The following MEI4 variants were observed in gnomAD, a reference collection of about 807,000 sequenced individuals.
The protein encoded by MEI4 is meiotic double-stranded break formation protein 4, also known as meiosis-specific protein MEI4.
A neutral mutation model predicts 31.4 loss-of-function variants in MEI4; 27 were observed. That is an observed-to-expected ratio of 0.86 (90% confidence interval 0.63 to 1.19). The LOEUF is 1.19. Ranked by LOEUF, MEI4 falls within the 50% of genes most tolerant of loss-of-function variation. MEI4 has a pLI of 0.00. For synonymous variants in MEI4, 122 were observed against 145.4 expected, an observed-to-expected ratio of 0.84 and a Z score of 1.16; for missense variants, 329 against 398.9, an observed-to-expected ratio of 0.82 and a Z score of 1.49.
At chr6:77,874,194 G>T (rs1423882570) in intron 4 of MEI4, among the ~76,000 whole-genome samples, 1 of 152,146 alleles carries the variant, frequency 6.6e-6, no homozygotes, top group Non-Finnish European at 1.5e-5. Context: ...ATTACCTTGG[G>T]CAATATGGCC....
chr6:77,681,164 C>T (rs1184857478), intron 1 of MEI4, among the ~76,000 whole-genome samples: 5 of 152,118 alleles, frequency 3.3e-5, no homozygotes, highest in Non-Finnish European at 7.4e-5. Flanking sequence ...TTGACACAAC[C>T]TCTCTCAGTT....
chr6:77,732,792 A>G (rs374773650), intron 2 of MEI4, among the ~76,000 whole-genome samples: 2 of 151,992 alleles, frequency 1.3e-5, no homozygotes, highest in Admixed American at 6.6e-5. Flanking sequence ...ATTATTTTGA[A>G]ATACGTCCCA....
At chr6:77,714,561 C>G (rs1337516100) in intron 2 of MEI4, among the ~76,000 whole-genome samples, 1 of 152,178 alleles carries the variant, frequency 6.6e-6, no homozygotes, top group Non-Finnish European at 1.5e-5. Flanking sequence ...AAAGGAGCTT[C>G]AATGAATTAA....
At chr6:77,812,797 C>G (rs931918389) in intron 3 of MEI4, among the ~76,000 whole-genome samples, 1 of 151,794 alleles carries the variant, frequency 6.6e-6, no homozygotes, top group African/African-American at 2.4e-5. Flanking sequence ...TTCTGAGCAC[C>G]CCAAAAGACC....
intron 4 of MEI4, among the ~76,000 whole-genome samples, chr6:77,864,249 AT>A (rs1160673737): frequency 6.6e-6 from 1 of 152,224 alleles, no homozygotes; most frequent in Admixed American, 6.5e-5. Flanking sequence ...TTAAATGTAA[AT>A]GGGCTAAATG....
At chr6:77,799,336 GGTT>G (rs1421324891) in intron 3 of MEI4, among the ~76,000 whole-genome samples, 2 of 152,010 alleles carry the variant, frequency 1.3e-5, no homozygotes, top group Non-Finnish European at 2.9e-5. Context: ...TTTTTGATGG[GGTT>G]GTTTGTTTTT....
At chr6:77,914,717 T>C (rs2127740135) in intron 4 of MEI4, among the ~76,000 whole-genome samples, 1 of 152,262 alleles carries the variant, frequency 6.6e-6, no homozygotes, top group Non-Finnish European at 1.5e-5. Context: ...ATCTCTCCCC[T>C]TAGATCTAAT....
At chr6:77,689,499 T>C (rs1405983854) in intron 1 of MEI4, among the ~76,000 whole-genome samples, 1 of 151,952 alleles carries the variant, frequency 6.6e-6, no homozygotes, top group Non-Finnish European at 1.5e-5. Context: ...GATAGTTAGT[T>C]ACACATCGCT....
intron 2 of MEI4, among the ~76,000 whole-genome samples, chr6:77,695,338 C>A (rs1765998126): frequency 6.6e-6 from 1 of 150,688 alleles, no homozygotes; most frequent in African/African-American, 2.4e-5. Context: ...AGTCCTTGCC[C>A]ATGCCTATGT....
At chr6:77,703,928 CG>C in intron 2 of MEI4, among the ~76,000 whole-genome samples, 1 of 152,036 alleles carries the variant, frequency 6.6e-6, no homozygotes, top group East Asian at 1.9e-4. Flanking sequence ...AGTGTGAGGG[CG>C]GGGGTTGGTA....
At position 77,744,705 on chromosome 6, in the gene MEI4, A is replaced by C. The variant is rs558692525; in HGVS notation, c.233-16425A>C. Reference sequence around the variant, plus strand: ...AGTTGAAATGAAGGAAAAATTGTTAAGGGCAGCCAGAGAGAAAGGTATGGT... The same window carrying C: ...AGTTGAAATGAAGGAAAAATTGTTACGGGCAGCCAGAGAGAAAGGTATGGT... On this transcript the variant is annotated intron_variant, in intron 2 of 4. Transcript: ENST00000684080. Among the ~76,000 whole-genome samples, 362 of 152,320 alleles carry C rather than the reference A, an allele frequency of 2.4e-3. 2 individuals are homozygous for C. The highest frequency in any genetic ancestry group is 2.2e-3 in the Non-Finnish European group (149 of 68,020).
intron 1 of MEI4, among the ~76,000 whole-genome samples, chr6:77,676,543 T>TAAA (rs1310465963): frequency 6.6e-6 from 1 of 151,922 alleles, no homozygotes; most frequent in Non-Finnish European, 1.5e-5. Flanking sequence ...ATAATAATAA[T>TAAA]AAATGTTAAA....
intron 4 of MEI4, among the ~76,000 whole-genome samples, chr6:77,917,247 T>C (rs1413416402): frequency 2.6e-4 from 39 of 151,818 alleles, no homozygotes; most frequent in Admixed American, 1.4e-3. Flanking sequence ...GCATGTGTCT[T>C]TATAGCAGCA....
chr6:77,877,333 C>G (rs760993115), intron 4 of MEI4, among the ~76,000 whole-genome samples: 2 of 151,796 alleles, frequency 1.3e-5, no homozygotes, highest in Non-Finnish European at 2.9e-5. Flanking sequence ...TTCTAAATCT[C>G]TTATAACCCT....
chr6:77,676,271 T>A (rs1266417064), intron 1 of MEI4, among the ~76,000 whole-genome samples: 1 of 152,092 alleles, frequency 6.6e-6, no homozygotes, highest in Non-Finnish European at 1.5e-5. Context: ...AAATTGTAGT[T>A]GTACTTTACT....
intron 3 of MEI4, among the ~76,000 whole-genome samples, chr6:77,827,771 A>G (rs946148897): frequency 6.6e-6 from 1 of 152,166 alleles, no homozygotes; most frequent in Non-Finnish European, 1.5e-5. Context: ...CAAAAGGGCA[A>G]GTGTCAATTA....
At chr6:77,657,838 C>T (rs756468685) in intron 1 of MEI4, among the ~76,000 whole-genome samples, 5 of 152,222 alleles carry the variant, frequency 3.3e-5, no homozygotes, top group Non-Finnish European at 7.3e-5. Context: ...CCTGCTTTTG[C>T]CTCTCTGAGT....
At chr6:77,659,956 A>C (rs1160568290) in intron 1 of MEI4, among the ~76,000 whole-genome samples, 4 of 152,118 alleles carry the variant, frequency 2.6e-5, no homozygotes, top group Non-Finnish European at 5.9e-5. Flanking sequence ...ATAAGGAGAA[A>C]GGTTTTTTAA....
At chr6:77,817,183 G>A (rs1304077131) in intron 3 of MEI4, among the ~76,000 whole-genome samples, 1 of 152,120 alleles carries the variant, frequency 6.6e-6, no homozygotes, top group Admixed American at 6.6e-5. Context: ...ATTAAGGGCA[G>A]AATTTTTTTC....
Sources: gnomAD v4.1 joint callset for allele counts (sites outside exome capture counted in the v4.1 genomes callset) on GRCh38, gnomAD v4.1.1 for gene constraint, MANE v1.5 for transcripts, NCBI Gene and HGNC (gene_info 2026-07-23, HGNC 2026-07-21) for gene names.